The following REDIC1 variants were observed in gnomAD, a reference collection of about 807,000 sequenced individuals.
REDIC1 encodes regulator of DNA class I crossover intermediates 1.
At chr12:39,675,490 G>T in the REDIC1 span, among the ~76,000 whole-genome samples, 1 of 152,112 alleles carries the variant, frequency 6.6e-6, no homozygotes, top group African/African-American at 2.4e-5. Flanking sequence ...CCACCTCTGG[G>T]CTGGAGGCCA....
the REDIC1 span, among the ~76,000 whole-genome samples, chr12:39,895,502 A>G: frequency 1.6e-5 from 1 of 60,746 alleles, no homozygotes; most frequent in African/African-American, 6.5e-5. Flanking sequence ...AAAAAAAAAA[A>G]AAAAAAAAAA....
the REDIC1 span, among the ~76,000 whole-genome samples, chr12:39,713,285 T>G: frequency 3.4e-5 from 1 of 29,288 alleles, no homozygotes; most frequent in African/African-American, 6.1e-5. Context: ...CACACATACG[T>G]GTATATATGT....
the REDIC1 span, among the ~76,000 whole-genome samples, chr12:39,750,968 A>T: frequency 6.6e-6 from 1 of 152,116 alleles, no homozygotes; most frequent in Non-Finnish European, 1.5e-5. Context: ...CCTAGAAGAA[A>T]ACCTAGGCAA....
At chr12:39,746,747 G>A in the REDIC1 span, among the ~76,000 whole-genome samples, 2 of 152,218 alleles carry the variant, frequency 1.3e-5, no homozygotes, top group Non-Finnish European at 2.9e-5. Context: ...GAATGATCAG[G>A]CAGCAGCATT....
At chr12:39,752,156 G>C in the REDIC1 span, among the ~76,000 whole-genome samples, 72 of 152,276 alleles carry the variant, frequency 4.7e-4, no homozygotes, top group African/African-American at 1.5e-3. Flanking sequence ...ATCTTCTAGC[G>C]TGGAATCCTC....
the REDIC1 span, among the ~76,000 whole-genome samples, chr12:39,711,351 G>C: frequency 1.4e-5 from 2 of 145,560 alleles, no homozygotes; most frequent in East Asian, 4.1e-4. Context: ...ACATCTATAT[G>C]TATATATACA....
the REDIC1 span, among the ~76,000 whole-genome samples, chr12:39,713,915 A>G: frequency 6.7e-6 from 1 of 148,606 alleles, no homozygotes; most frequent in Non-Finnish European, 1.5e-5. Context: ...GTATGTGTAT[A>G]TGTATATATT....
the REDIC1 span, among the ~76,000 whole-genome samples, chr12:39,711,701 G>C: frequency 2.7e-3 from 37 of 13,482 alleles, 3 homozygotes; most frequent in South Asian, 5.8e-3. Flanking sequence ...ATGTGTATGT[G>C]TATACACATG....
At chr12:39,882,649 G>A in the REDIC1 span, among the ~76,000 whole-genome samples, 5 of 152,004 alleles carry the variant, frequency 3.3e-5, no homozygotes, top group Admixed American at 1.3e-4. Flanking sequence ...CCAAGAAAGC[G>A]TGAGCAATCA....
At chr12:39,855,506 A>G in the REDIC1 span, among the ~76,000 whole-genome samples, 1 of 152,164 alleles carries the variant, frequency 6.6e-6, no homozygotes, top group Non-Finnish European at 1.5e-5. Flanking sequence ...CCTTCATTAC[A>G]CTGTTTTGCA....
chr12:39,711,949 A>G, the REDIC1 span, among the ~76,000 whole-genome samples: 1 of 128,150 alleles, frequency 7.8e-6, no homozygotes, highest in Non-Finnish European at 1.7e-5. Flanking sequence ...AGACATGTAT[A>G]CATACATATA....
the REDIC1 span, among the ~76,000 whole-genome samples, chr12:39,638,766 A>G: frequency 6.6e-6 from 1 of 151,992 alleles, no homozygotes; most frequent in Non-Finnish European, 1.5e-5. Flanking sequence ...ACCGCAGTCT[A>G]GTGATTGCTA....
the REDIC1 span, among the ~76,000 whole-genome samples, chr12:39,769,969 T>C: frequency 6.6e-6 from 1 of 152,138 alleles, no homozygotes; most frequent in Non-Finnish European, 1.5e-5. Flanking sequence ...TGTCTTAATC[T>C]TGATGCTCTT....
At chr12:39,754,633 A>G in the REDIC1 span, among the ~76,000 whole-genome samples, 1 of 152,108 alleles carries the variant, frequency 6.6e-6, no homozygotes, top group Non-Finnish European at 1.5e-5. Context: ...AGTCCCAAAA[A>G]GAACTGTCAA....
At chr12:39,706,906 A>T in the REDIC1 span, among the ~76,000 whole-genome samples, 1 of 152,080 alleles carries the variant, frequency 6.6e-6, no homozygotes, top group Non-Finnish European at 1.5e-5. Context: ...GAACTACCAC[A>T]AGAAAACACT....
the REDIC1 span, among the ~76,000 whole-genome samples, chr12:39,905,647 A>C: frequency 2.0e-5 from 3 of 152,110 alleles, no homozygotes; most frequent in Non-Finnish European, 4.4e-5. Flanking sequence ...ATAGGATGCT[A>C]TCCTTTAAGA....
chr12:39,782,688 G>T, the REDIC1 span, among the ~76,000 whole-genome samples: 7 of 152,180 alleles, frequency 4.6e-5, no homozygotes, highest in East Asian at 1.3e-3. Context: ...GGTTGGAACA[G>T]TTTGGAGGGA....
the REDIC1 span, among the ~76,000 whole-genome samples, chr12:39,859,400 C>A: frequency 6.8e-6 from 1 of 146,434 alleles, no homozygotes; most frequent in Non-Finnish European, 1.5e-5. Context: ...ACTGGCATCA[C>A]CTGGGGAGCA....
At chr12:39,900,184 C>T in the REDIC1 span, among the ~76,000 whole-genome samples, 12 of 151,964 alleles carry the variant, frequency 7.9e-5, no homozygotes, top group African/African-American at 2.2e-4. Flanking sequence ...ATTGATGGGA[C>T]GTATCTCAAA....
Sources: gnomAD v4.1 joint callset for allele counts (sites outside exome capture counted in the v4.1 genomes callset) on GRCh38, gnomAD v4.1.1 for gene constraint, MANE v1.5 for transcripts, NCBI Gene and HGNC (gene_info 2026-07-23, HGNC 2026-07-21) for gene names.